SWAP70: variants seen among roughly 807,000 people sequenced by gnomAD.
The protein encoded by SWAP70 is switching B cell complex subunit SWAP70, also known as switch-associated protein 70.
In SWAP70, 34 loss-of-function variants were observed where a neutral mutation model predicts 80.2. The ratio of observed to expected loss-of-function variants is 0.42; its 90% CI spans 0.32 to 0.56. The LOEUF is 0.56. SWAP70 is among the 20% of genes least tolerant of loss of function. The probability of loss-of-function intolerance (pLI) is 0.09; values close to 1 mark genes in which losing one functional copy is unlikely to be tolerated. For missense variants in SWAP70, 578 were observed against 690.7 expected, an observed-to-expected ratio of 0.84 and a Z score of 1.83; for synonymous variants, 239 against 238.5, an observed-to-expected ratio of 1.00 and a Z score of -0.02.
chr11:9,673,829 C>A (rs535551267), intron 1 of SWAP70, among the ~76,000 whole-genome samples: 1 of 151,416 alleles, frequency 6.6e-6, no homozygotes, highest in African/African-American at 2.4e-5. Context: ...AAGGAGCAGG[C>A]GAAAAAAGGG....
At chr11:9,664,401 T>G in intron 1 of SWAP70, 123 bp downstream of exon 1, 1 of 1,073,610 alleles carries the variant, frequency 9.3e-7, no homozygotes, top group Non-Finnish European at 1.3e-6. Flanking sequence ...ATGCGCCCGG[T>G]AGGCCCGCTT....
intron 1 of SWAP70, among the ~76,000 whole-genome samples, chr11:9,679,483 A>G (rs1259981179): frequency 1.3e-5 from 2 of 152,124 alleles, no homozygotes; most frequent in Non-Finnish European, 2.9e-5. Flanking sequence ...CTTCTAACTG[A>G]ACCTTGTAGC....
chr11:9,679,757 C>T (rs1850544135), intron 1 of SWAP70, among the ~76,000 whole-genome samples: 1 of 152,136 alleles, frequency 6.6e-6, no homozygotes, highest in Non-Finnish European at 1.5e-5. Flanking sequence ...CAAGCTCCAC[C>T]TCCCAAGTTC....
At chr11:9,725,882 A>G (rs983831089) in intron 4 of SWAP70, among the ~76,000 whole-genome samples, 1 of 76,072 alleles carries the variant, frequency 1.3e-5, no homozygotes, top group Non-Finnish European at 3.1e-5. Context: ...TTTCCAAAAT[A>G]TTTTATTTTG....
At chr11:9,719,093 CAAA>C (rs3049796) in intron 3 of SWAP70, among the ~76,000 whole-genome samples, 41 of 95,672 alleles carry the variant, frequency 4.3e-4, no homozygotes, top group Admixed American at 2.4e-4. Flanking sequence ...GACACTGAAT[CAAA>C]AAAAAAAAAA....
intron 1 of SWAP70, among the ~76,000 whole-genome samples, chr11:9,690,190 A>C (rs1850678951): frequency 6.6e-6 from 1 of 152,118 alleles, no homozygotes; most frequent in Non-Finnish European, 1.5e-5. Context: ...AAAAAGCATA[A>C]ATTGCTGTAT....
chr11:9,701,993 A>C (rs1850839207), intron 2 of SWAP70, among the ~76,000 whole-genome samples: 1 of 152,194 alleles, frequency 6.6e-6, no homozygotes, highest in Admixed American at 6.5e-5. Context: ...CAATTGGGGA[A>C]TCTGGTGCTT....
chr11:9,702,709 C>G (rs1850848865), intron 2 of SWAP70, among the ~76,000 whole-genome samples: 1 of 152,158 alleles, frequency 6.6e-6, no homozygotes, highest in Non-Finnish European at 1.5e-5. Flanking sequence ...GTGTGAGCCA[C>G]TGCACCTGAC....
intron 4 of SWAP70, chr11:9,726,994 G>A (rs1851233487): frequency 6.6e-6 from 3 of 456,016 alleles, no homozygotes; most frequent in Non-Finnish European, 8.8e-6. Context: ...TGAATATTTG[G>A]TTTAGAAGAT....
chr11:9,715,642 CAA>C (rs943417363), intron 3 of SWAP70, among the ~76,000 whole-genome samples: 2 of 152,164 alleles, frequency 1.3e-5, no homozygotes, highest in East Asian at 3.8e-4. Flanking sequence ...TGGTGGCAGA[CAA>C]GAGAAGAGAG....
Position 9,706,883 on chromosome 11 carries a change from CT to C in SWAP70, c.241-6580del, listed in dbSNP as rs1033660687. Among the ~76,000 whole-genome samples, 66 of 151,884 alleles carry C rather than the reference CT, an allele frequency of 4.3e-4. 1 individual carries two copies. The highest frequency in any genetic ancestry group is 1.5e-3 in the African/African-American group (61 of 41,418). On this transcript the variant is annotated intron_variant, in intron 2 of 11. Transcript: ENST00000318950. ...ACATCATATAATTTAATAATAAATA[CT>C]TTGCAGCATTTTTTTCCTTTTTTTT... is the stretch of plus-strand genomic sequence containing the variant.
At chr11:9,673,775 A>G (rs558118581) in intron 1 of SWAP70, among the ~76,000 whole-genome samples, 2 of 152,248 alleles carry the variant, frequency 1.3e-5, no homozygotes, top group African/African-American at 2.4e-5. Flanking sequence ...GTTGGGGGAG[A>G]TGAGATTATA....
intron 9 of SWAP70, among the ~76,000 whole-genome samples, chr11:9,743,956 A>T (rs4910498): frequency 0.61 from 91,289 of 149,200 alleles, 28,323 homozygotes; most frequent in Middle Eastern, 0.77. Context: ...AAACACGTAG[A>T]TCTTGTAATT....
intron 2 of SWAP70, among the ~76,000 whole-genome samples, chr11:9,702,910 T>G (rs888873239): frequency 1.3e-5 from 2 of 152,206 alleles, no homozygotes; most frequent in African/African-American, 4.8e-5. Context: ...AGATATATTG[T>G]TTTTTAAAGT....
intron 1 of SWAP70, among the ~76,000 whole-genome samples, chr11:9,693,649 A>G (rs1431400224): frequency 6.6e-6 from 1 of 152,214 alleles, no homozygotes. Flanking sequence ...TCTATTGAAT[A>G]AATGAGAAAA....
intron 1 of SWAP70, among the ~76,000 whole-genome samples, chr11:9,686,263 CA>C (rs1850630556): frequency 6.6e-6 from 1 of 151,850 alleles, no homozygotes; most frequent in South Asian, 2.1e-4. Flanking sequence ...TGCATATACA[CA>C]TATGTAAATA....
chr11:9,667,520 T>G (rs1030257016), intron 1 of SWAP70, among the ~76,000 whole-genome samples: 1 of 152,168 alleles, frequency 6.6e-6, no homozygotes, highest in Admixed American at 6.5e-5. Context: ...TCTAAAGTGC[T>G]GGTATTCAGA....
intron 1 of SWAP70, among the ~76,000 whole-genome samples, chr11:9,685,016 T>A (rs1850613519): frequency 6.6e-6 from 1 of 152,182 alleles, no homozygotes. Flanking sequence ...CACAAATCAT[T>A]TACCTTCTTA....
At chr11:9,734,166 T>G (rs1851335091) in intron 7 of SWAP70, among the ~76,000 whole-genome samples, 1 of 152,206 alleles carries the variant, frequency 6.6e-6, no homozygotes, top group Admixed American at 6.5e-5. Context: ...AGTTTTGGAT[T>G]TTGGAGCATT....
Sources: allele counts gnomAD v4.1 joint callset (sites outside exome capture counted in the v4.1 genomes callset), GRCh38; gene constraint gnomAD v4.1.1; transcripts MANE v1.5; gene names NCBI Gene and HGNC (gene_info 2026-07-23, HGNC 2026-07-21).